Variants in CCNH observed in about 807,000 individuals in gnomAD.
CCNH encodes the protein cyclin-H.
A neutral mutation model predicts 41.9 loss-of-function variants in CCNH; 31 were observed. The observed-to-expected ratio is 0.74, with a 90% CI of 0.56 to 1.00. CCNH has a LOEUF of 1.00. CCNH is among the 50% of genes least tolerant of loss of function. The pLI, the probability that CCNH is intolerant of heterozygous loss-of-function variation, is 0.00. For synonymous variants in CCNH, 138 were observed against 136.1 expected (o/e 1.01, Z -0.10); for missense variants, 362 against 388.4 (o/e 0.93, Z 0.57).
rs770726591 is a variant in CCNH, at chr5:87,357,977, G to A, written c.*90+34793C>T. 9.8e-5 allele frequency among the ~76,000 whole-genome samples: 15 copies of A among 152,320 alleles called. No homozygotes were observed. In the South Asian group the frequency reaches 3.1e-3, roughly 32 times the overall value. ...CTATTATTTTGGAGCATGGGGTGAT[G>A]AAAAGTTGGTTTTAGTAGAAGTTTG... is the stretch of plus-strand genomic sequence containing the variant. On this transcript the variant is annotated intron_variant and NMD_transcript_variant, in intron 9 of 9. Coordinates refer to the CCNH transcript ENST00000645953.
downstream of CCNH, among the ~76,000 whole-genome samples, chr5:87,314,775 G>A (rs1018516370): frequency 4.6e-5 from 7 of 152,088 alleles, no homozygotes; most frequent in African/African-American, 1.7e-4. Context: ...GTTGTTAGTT[G>A]AGATATCCAG....
chr5:87,392,264 A>G (rs1340865858), downstream of CCNH: 2 of 455,886 alleles, frequency 4.4e-6, no homozygotes, highest in Non-Finnish European at 8.8e-6. Flanking sequence ...TGTATAAAAT[A>G]CAGGAAAAAA....
chr5:87,317,254 G>A (rs1214778412), downstream of CCNH, among the ~76,000 whole-genome samples: 1 of 152,078 alleles, frequency 6.6e-6, no homozygotes, highest in Non-Finnish European at 1.5e-5. Context: ...CCTTTTGTTT[G>A]TGCGTTCCAG....
chr5:87,355,505 G>C (rs1023972371), intron 9 of CCNH, among the ~76,000 whole-genome samples: 51 of 152,216 alleles, frequency 3.4e-4, no homozygotes, highest in Non-Finnish European at 6.0e-4. Flanking sequence ...CAATTCCTTT[G>C]AAAATGTTAC....
At chr5:87,407,424 C>T (rs190249341) in intron 4 of CCNH, among the ~76,000 whole-genome samples, 91 of 152,210 alleles carry the variant, frequency 6.0e-4, no homozygotes, top group South Asian at 1.0e-3. Context: ...TGATTTGATT[C>T]GACTCAGACT....
At chr5:87,337,667 G>A (rs1236001483) in intron 9 of CCNH, among the ~76,000 whole-genome samples, 1 of 152,018 alleles carries the variant, frequency 6.6e-6, no homozygotes, top group African/African-American at 2.4e-5. Context: ...TTCAATATAT[G>A]TACAATCAGT....
At chr5:87,410,643 C>G (rs1764160839) in intron 2 of CCNH, among the ~76,000 whole-genome samples, 1 of 152,090 alleles carries the variant, frequency 6.6e-6, no homozygotes, top group African/African-American at 2.4e-5. Flanking sequence ...CCCACTCTAC[C>G]TTTTTTATCT....
At chr5:87,367,268 G>A (rs1199645777) in intron 9 of CCNH, among the ~76,000 whole-genome samples, 1 of 152,118 alleles carries the variant, frequency 6.6e-6, no homozygotes, top group East Asian at 1.9e-4. Context: ...ACCATAGGAT[G>A]CAAATACCAG....
At chr5:87,353,925 G>T (rs899530353) in intron 9 of CCNH, among the ~76,000 whole-genome samples, 1 of 152,092 alleles carries the variant, frequency 6.6e-6, no homozygotes, top group Non-Finnish European at 1.5e-5. Context: ...TATAACAGGG[G>T]TTAGAAAAAG....
intron 9 of CCNH, among the ~76,000 whole-genome samples, chr5:87,362,930 T>TATGGCAC (rs1580355617): frequency 6.6e-6 from 1 of 151,420 alleles, no homozygotes. Flanking sequence ...AGGAACTCCT[T>TATGGCAC]ATGGCACATG....
At chr5:87,342,632 A>C (rs1382149420) in intron 9 of CCNH, among the ~76,000 whole-genome samples, 1 of 152,178 alleles carries the variant, frequency 6.6e-6, no homozygotes, top group Non-Finnish European at 1.5e-5. Flanking sequence ...TACTGTCAAA[A>C]AACAACACTG....
intron 5 of CCNH, 118 bp downstream of exon 5, chr5:87,404,726 C>T: frequency 2.6e-6 from 2 of 775,002 alleles, no homozygotes; most frequent in South Asian, 4.3e-5. Flanking sequence ...AATTTCATTT[C>T]TTCTTCTCAC....
At chr5:87,376,537 CAGA>C in exon 1 of CCNH, 1 of 1,613,908 alleles carries the variant, frequency 6.2e-7, no homozygotes, top group Non-Finnish European at 8.5e-7. Context: ...AAAATCATGC[CAGA>C]AGAAGAGTAC....
intron 9 of CCNH, among the ~76,000 whole-genome samples, chr5:87,337,469 A>G (rs1171560406): frequency 6.6e-6 from 1 of 152,124 alleles, no homozygotes; most frequent in Admixed American, 6.5e-5. Context: ...GTTAACTGAC[A>G]TAAGCATCTA....
intron 5 of CCNH, among the ~76,000 whole-genome samples, 175 bp from the exon 6 acceptor site, chr5:87,401,947 G>A (rs1763453414): frequency 6.6e-6 from 1 of 152,114 alleles, no homozygotes; most frequent in Non-Finnish European, 1.5e-5. Flanking sequence ...TACATTAAAA[G>A]ATGTTTATTG....
chr5:87,411,320 A>T lies in CCNH; in HGVS notation c.144T>A (p.Leu48=). 6.2e-7 allele frequency: 1 copy of T among 1,612,008 alleles called. No homozygotes were observed. The highest frequency in any genetic ancestry group is 1.1e-5 in the South Asian group (1 of 90,486). Residue 48 remains leucine (L), a synonymous_variant, in exon 2 of 9, where the codon CTT becomes CTA. Transcript: ENST00000256897. ...GKVLPNDPVF[L]EPHEEMTLCK... ...AGAGTGTCATTTCTTCATGAGGCTC[A>T]AGAAAGACTGGATCATTCGGAAGAA...
chr5:87,333,408 C>T, intron 9 of CCNH: 1 of 1,582,780 alleles, frequency 6.3e-7, no homozygotes, highest in Non-Finnish European at 8.6e-7. Context: ...TACTCTTGGA[C>T]TAGGAAGCTT....
chr5:87,340,629 A>G (rs1395214450), intron 9 of CCNH, among the ~76,000 whole-genome samples: 1 of 152,134 alleles, frequency 6.6e-6, no homozygotes, highest in Non-Finnish European at 1.5e-5. Context: ...AAAACATAGT[A>G]AAAGGGGGAT....
chr5:87,319,728 C>G (rs1292926701), intron 9 of CCNH, among the ~76,000 whole-genome samples: 6 of 152,200 alleles, frequency 3.9e-5, no homozygotes, highest in Non-Finnish European at 7.3e-5. Context: ...CTCTGACATG[C>G]CCTGGGAGAC....
Sources: allele counts gnomAD v4.1 joint callset (sites outside exome capture counted in the v4.1 genomes callset), GRCh38; gene constraint gnomAD v4.1.1; transcripts MANE v1.5; gene names NCBI Gene and HGNC (gene_info 2026-07-23, HGNC 2026-07-21).